Variants in PTPRG observed in about 807,000 individuals in gnomAD.
The protein encoded by PTPRG is protein tyrosine phosphatase receptor type G.
A neutral mutation model predicts 165.3 loss-of-function variants in PTPRG; 102 were observed. The ratio of observed to expected loss-of-function variants is 0.62; its 90% CI spans 0.53 to 0.73. The LOEUF is 0.73. PTPRG is among the 30% of genes least tolerant of loss of function. The pLI, the probability that PTPRG is intolerant of heterozygous loss-of-function variation, is 0.00. For synonymous variants in PTPRG, 675 were observed against 669.5 expected, an observed-to-expected ratio of 1.01 and a Z score of -0.13; for missense variants, 1,866 against 1,861.4, an observed-to-expected ratio of 1.00 and a Z score of -0.05.
chr3:61,908,051 T>C (rs955629543), intron 2 of PTPRG, among the ~76,000 whole-genome samples: 1 of 146,504 alleles, frequency 6.8e-6, no homozygotes, highest in Non-Finnish European at 1.5e-5. Context: ...AGCCCAAGAG[T>C]TCGAGGCTAT....
At chr3:61,669,119 C>T (rs775232422) in intron 1 of PTPRG, among the ~76,000 whole-genome samples, 2 of 152,134 alleles carry the variant, frequency 1.3e-5, no homozygotes, top group Admixed American at 6.5e-5. Flanking sequence ...TGCTGAGCTG[C>T]GCTGCTCTCT....
At chr3:62,039,413 G>T (rs1700056891) in intron 4 of PTPRG, among the ~76,000 whole-genome samples, 1 of 152,006 alleles carries the variant, frequency 6.6e-6, no homozygotes, top group African/African-American at 2.4e-5. Context: ...ATGCAACAGG[G>T]GGAAAAAATA....
At chr3:62,065,136 C>T (rs972159174) in intron 4 of PTPRG, among the ~76,000 whole-genome samples, 7 of 152,008 alleles carry the variant, frequency 4.6e-5, no homozygotes, top group Non-Finnish European at 7.3e-5. Context: ...AATTGGTATT[C>T]TCCTGCACTG....
At chr3:61,755,721 A>G (rs2033613886) in intron 2 of PTPRG, among the ~76,000 whole-genome samples, 1 of 152,212 alleles carries the variant, frequency 6.6e-6, no homozygotes, top group Admixed American at 6.5e-5. Flanking sequence ...AACCAGAAGC[A>G]GCTCAGAAGC....
At position 62,282,707 on chromosome 3, in the gene PTPRG, C is replaced by T. The variant is rs773752290; in HGVS notation, c.3913-20C>T. On this transcript the variant is annotated intron_variant, in intron 27 of 29. Coordinates refer to ENST00000474889, the MANE Select transcript of PTPRG (RefSeq NM_002841.4). ...TGTGAAATAAAGGAAGGGATTTGAC[C>T]CATGTTGTATTGGTTACAGGATGAC... 1.1e-5 allele frequency: 18 copies of T among 1,594,412 alleles called. No individual in the cohort carries two copies. The South Asian group carries it at 2.0e-4, about 17-fold the overall frequency.
intron 6 of PTPRG, among the ~76,000 whole-genome samples, chr3:62,149,176 T>G (rs1704232716): frequency 6.6e-6 from 1 of 152,136 alleles, no homozygotes; most frequent in African/African-American, 2.4e-5. Context: ...GATGACATGC[T>G]TTGAGAATCA....
intron 5 of PTPRG, among the ~76,000 whole-genome samples, chr3:62,099,906 C>G (rs938027673): frequency 1.4e-5 from 2 of 146,966 alleles, no homozygotes; most frequent in Admixed American, 1.4e-4. Flanking sequence ...TCAAGCGATT[C>G]TCCTGCCTCA....
At chr3:62,040,680 G>A (rs1039716558) in intron 4 of PTPRG, among the ~76,000 whole-genome samples, 13 of 101,190 alleles carry the variant, frequency 1.3e-4, no homozygotes, top group African/African-American at 4.6e-4. Context: ...TTGACCTCAT[G>A]ATCCGTCCGC....
chr3:62,164,422 A>G (rs1704888244), intron 7 of PTPRG, among the ~76,000 whole-genome samples: 1 of 152,180 alleles, frequency 6.6e-6, no homozygotes, highest in African/African-American at 2.4e-5. Flanking sequence ...GAGACAGGCC[A>G]CTGGCGATTT....
chr3:61,680,414 C>G (rs1703391397), intron 1 of PTPRG, among the ~76,000 whole-genome samples: 1 of 144,916 alleles, frequency 6.9e-6, no homozygotes. Flanking sequence ...GGCTGAGTAT[C>G]AAGAGAAGCA....
At chr3:61,602,151 C>CT (rs11391531) in intron 1 of PTPRG, among the ~76,000 whole-genome samples, 17,501 of 148,038 alleles carry the variant, frequency 0.12, 1,112 homozygotes, top group African/African-American at 0.17. Flanking sequence ...GCCTTCCTAG[C>CT]TTTTTTTTTT....
intron 2 of PTPRG, among the ~76,000 whole-genome samples, chr3:61,755,075 T>G (rs557775550): frequency 1.9e-4 from 29 of 152,000 alleles, no homozygotes; most frequent in South Asian, 1.7e-3. Context: ...CGCCCTGATC[T>G]CAGCTCACTG....
intron 26 of PTPRG, among the ~76,000 whole-genome samples, chr3:62,278,400 A>G (rs540653724): frequency 1.3e-5 from 2 of 151,984 alleles, no homozygotes; most frequent in Non-Finnish European, 2.9e-5. Flanking sequence ...GTCCTTCTCT[A>G]TTTCAGTCTC....
At chr3:62,016,999 TCTTTA>T (rs1292580992) in intron 4 of PTPRG, among the ~76,000 whole-genome samples, 25 of 152,238 alleles carry the variant, frequency 1.6e-4, no homozygotes, top group Non-Finnish European at 3.5e-4. Context: ...CTTATTGATT[TCTTTA>T]CTTATTTATT....
chr3:61,736,459 T>G lies in PTPRG; in HGVS notation c.86-12419T>G, dbSNP rs9840376. On this transcript the variant is annotated intron_variant, in intron 1 of 29. Coordinates refer to ENST00000474889, the MANE Select transcript of PTPRG (RefSeq NM_002841.4). Reference sequence around the variant, plus strand: ...ATTCTCATTAACTATTATCTTTTTTTTCCCCCATTGATCTGTCTAAGCAGT... The same window carrying G: ...ATTCTCATTAACTATTATCTTTTTTGTCCCCCATTGATCTGTCTAAGCAGT... Among the ~76,000 whole-genome samples, 304 of 152,168 alleles carry G rather than the reference T, an allele frequency of 2.0e-3. 1 individual carries two copies. Among genetic ancestry groups the G allele is most frequent in the African/African-American group, 7.1e-3 (295 of 41,506 alleles).
chr3:61,574,015 C>A (rs1043680390), intron 1 of PTPRG, among the ~76,000 whole-genome samples: 1 of 151,302 alleles, frequency 6.6e-6, no homozygotes, highest in Non-Finnish European at 1.5e-5. Context: ...TTGATGGTTG[C>A]AATGGTAGTA....
rs185291103 is a variant in PTPRG at position 61,963,962 on chromosome 3, A to G, written c.191-25663A>G. Reference sequence around the variant, plus strand: ...TATTCTAAACATGTGGTTTCAGTGTACAGGTGATATGTTTAAGTGGATGTA... The same window carrying G: ...TATTCTAAACATGTGGTTTCAGTGTGCAGGTGATATGTTTAAGTGGATGTA... On this transcript the variant is annotated intron_variant, in intron 2 of 29. Coordinates refer to ENST00000474889, the MANE Select transcript of PTPRG (RefSeq NM_002841.4). Among the ~76,000 whole-genome samples, 7 of 152,320 alleles carry G rather than the reference A, an allele frequency of 4.6e-5. No individual in the cohort carries two copies. The East Asian group carries it at 1.2e-3, about 25-fold the overall frequency.
intron 2 of PTPRG, among the ~76,000 whole-genome samples, chr3:61,972,566 G>T (rs557542662): frequency 7.2e-5 from 11 of 152,102 alleles, no homozygotes; most frequent in Admixed American, 4.6e-4. Flanking sequence ...ATGGGACCCT[G>T]AGTGTTAGTA....
At chr3:62,024,187 T>C (rs1456195733) in intron 4 of PTPRG, among the ~76,000 whole-genome samples, 1 of 152,174 alleles carries the variant, frequency 6.6e-6, no homozygotes, top group Non-Finnish European at 1.5e-5. Context: ...TAAATCAAGG[T>C]AATTAACATA....
Sources: allele counts gnomAD v4.1 joint callset (sites outside exome capture counted in the v4.1 genomes callset), GRCh38; gene constraint gnomAD v4.1.1; transcripts MANE v1.5; gene names NCBI Gene and HGNC (gene_info 2026-07-23, HGNC 2026-07-21).